The following PLCH1 variants were observed in gnomAD, a reference collection of about 807,000 sequenced individuals.
PLCH1 encodes the protein 1-phosphatidylinositol 4,5-bisphosphate phosphodiesterase eta-1.
PLCH1 carries 60 observed loss-of-function variants against 126.7 expected under a neutral mutation model. The ratio of observed to expected loss-of-function variants is 0.47; its 90% CI spans 0.38 to 0.59. The LOEUF is 0.59. Among genes scored for constraint, PLCH1 ranks in the 20% least tolerant of loss-of-function variants. The pLI is 0.00. For synonymous variants in PLCH1, 719 were observed against 734.9 expected, an observed-to-expected ratio of 0.98 and a Z score of 0.35; for missense variants, 1,723 against 2,040.0, an observed-to-expected ratio of 0.84 and a Z score of 2.99.
intron 1 of PLCH1, among the ~76,000 whole-genome samples, chr3:155,720,961 C>T (rs768019648): frequency 2.0e-5 from 3 of 152,196 alleles, no homozygotes; most frequent in South Asian, 4.1e-4. Flanking sequence ...TATTCCAGCA[C>T]CATTTGGTGA....
chr3:155,553,161 C>T (rs1726358392), intron 9 of PLCH1, among the ~76,000 whole-genome samples: 1 of 152,172 alleles, frequency 6.6e-6, no homozygotes, highest in African/African-American at 2.4e-5. Context: ...GTCACCCAGG[C>T]TGGAGTGCAG....
chr3:155,649,055 C>T (rs1240249633), intron 2 of PLCH1, among the ~76,000 whole-genome samples: 4 of 152,112 alleles, frequency 2.6e-5, no homozygotes, highest in African/African-American at 4.8e-5. Flanking sequence ...ATGAGGCTGG[C>T]CTTTTCTAAA....
intron 10 of PLCH1, among the ~76,000 whole-genome samples, chr3:155,530,772 G>T (rs1261464877): frequency 6.6e-6 from 1 of 152,186 alleles, no homozygotes; most frequent in Non-Finnish European, 1.5e-5. Context: ...ATCCTTTCTA[G>T]AAGGTTTTCA....
intron 2 of PLCH1, among the ~76,000 whole-genome samples, chr3:155,610,980 C>T (rs1026965058): frequency 9.2e-5 from 14 of 152,172 alleles, no homozygotes; most frequent in Non-Finnish European, 1.8e-4. Context: ...TTACTTAACA[C>T]ATAAGGACAC....
chr3:155,705,993 G>A (rs182990202), intron 1 of PLCH1, among the ~76,000 whole-genome samples: 6 of 150,476 alleles, frequency 4.0e-5, no homozygotes, highest in Non-Finnish European at 7.4e-5. Context: ...GGCCAACATA[G>A]TGAAATCCCA....
At chr3:155,472,444 C>T (rs1250207061) in intron 21 of PLCH1, among the ~76,000 whole-genome samples, 2 of 151,954 alleles carry the variant, frequency 1.3e-5, no homozygotes, top group African/African-American at 4.8e-5. Context: ...CAATAGTTTA[C>T]CAACCAAAAA....
intron 9 of PLCH1, 63 bp downstream of exon 9, chr3:155,554,013 T>A (rs1008876898): frequency 5.4e-5 from 83 of 1,537,404 alleles, no homozygotes; most frequent in Middle Eastern, 1.7e-4. Flanking sequence ...TGTAGCTACG[T>A]TACATCAGGC....
At chr3:155,634,523 A>G (rs1192924519) in intron 2 of PLCH1, among the ~76,000 whole-genome samples, 2 of 152,198 alleles carry the variant, frequency 1.3e-5, no homozygotes, top group East Asian at 3.8e-4. Flanking sequence ...GTTGCTGAGC[A>G]CTTACAGGAC....
At chr3:155,738,613 C>G (rs1423002702) in intron 1 of PLCH1, among the ~76,000 whole-genome samples, 1 of 151,854 alleles carries the variant, frequency 6.6e-6, no homozygotes, top group East Asian at 1.9e-4. Flanking sequence ...GAAACCCTGT[C>G]TCTACTAAAA....
chr3:155,705,939 G>A (rs1004658872), intron 1 of PLCH1, among the ~76,000 whole-genome samples: 1 of 152,118 alleles, frequency 6.6e-6, no homozygotes, highest in Non-Finnish European at 1.5e-5. Context: ...ACTTTGGGAG[G>A]CCAAGGCGGA....
intron 2 of PLCH1, among the ~76,000 whole-genome samples, chr3:155,637,717 C>T (rs983968059): frequency 6.6e-6 from 1 of 152,190 alleles, no homozygotes; most frequent in African/African-American, 2.4e-5. Context: ...ACCTTAGCCA[C>T]AATTATCATA....
chr3:155,626,211 C>CA (rs1040946294), intron 2 of PLCH1, among the ~76,000 whole-genome samples: 16 of 38,066 alleles, frequency 4.2e-4, no homozygotes, highest in Admixed American at 5.4e-4. Context: ...GGGGGCATCA[C>CA]AAAAAAAAAA....
chr3:155,572,953 G>A (rs1729425182), intron 6 of PLCH1, among the ~76,000 whole-genome samples: 1 of 151,530 alleles, frequency 6.6e-6, no homozygotes, highest in African/African-American at 2.4e-5. Context: ...TAGCTATGTT[G>A]CCCAGGCTGG....
chr3:155,623,207 T>C (rs1736746074), intron 2 of PLCH1, among the ~76,000 whole-genome samples: 1 of 152,012 alleles, frequency 6.6e-6, no homozygotes, highest in East Asian at 1.9e-4. Flanking sequence ...TTGAAACCAA[T>C]GAGAACAAAG....
At chr3:155,517,286 C>T (rs116451909) in intron 11 of PLCH1, among the ~76,000 whole-genome samples, 1,793 of 152,218 alleles carry the variant, frequency 0.012, 19 homozygotes, top group Non-Finnish European at 0.018. Context: ...CAGCCTGAGC[C>T]ACAGAGCGAA....
intron 7 of PLCH1, among the ~76,000 whole-genome samples, chr3:155,566,044 A>G (rs1200559230): frequency 2.7e-5 from 4 of 148,978 alleles, no homozygotes; most frequent in African/African-American, 9.9e-5. Flanking sequence ...ACAGTCAAAT[A>G]GACAGTGTCA....
intron 10 of PLCH1, among the ~76,000 whole-genome samples, chr3:155,544,934 A>C (rs1238016685): frequency 1.3e-5 from 2 of 151,080 alleles, no homozygotes; most frequent in Non-Finnish European, 3.0e-5. Context: ...AAGAGAAAGC[A>C]GGAAAGATCC....
At chr3:155,532,029 T>G (rs965507151) in intron 10 of PLCH1, among the ~76,000 whole-genome samples, 32 of 152,250 alleles carry the variant, frequency 2.1e-4, no homozygotes, top group Admixed American at 2.0e-3. Flanking sequence ...TTCTTTTGCA[T>G]TCACAAAATG....
At chr3:155,587,324 C>G (rs1560206999) in intron 4 of PLCH1, among the ~76,000 whole-genome samples, 1 of 152,222 alleles carries the variant, frequency 6.6e-6, no homozygotes, top group Non-Finnish European at 1.5e-5. Flanking sequence ...CTTTTCAATT[C>G]TCTTTTCTCT....
Sources: gnomAD v4.1 joint callset for allele counts (sites outside exome capture counted in the v4.1 genomes callset) on GRCh38, gnomAD v4.1.1 for gene constraint, MANE v1.5 for transcripts, NCBI Gene and HGNC (gene_info 2026-07-23, HGNC 2026-07-21) for gene names.